Variants in PRDM15 observed in about 807,000 individuals in gnomAD.
PRDM15 encodes PR domain zinc finger protein 15.
In PRDM15, 64 loss-of-function variants were observed where a neutral mutation model predicts 128.6. The observed-to-expected ratio is 0.50, with a 90% CI of 0.41 to 0.61. The LOEUF (loss-of-function observed/expected upper bound fraction) is 0.61, where lower values mean the gene tolerates loss of function less well. PRDM15 is among the 20% of genes least tolerant of loss of function. The pLI is 0.00. For missense variants in PRDM15, 1,242 were observed against 1,569.1 expected, an observed-to-expected ratio of 0.79 and a Z score of 3.52; for synonymous variants, 615 against 621.8, an observed-to-expected ratio of 0.99 and a Z score of 0.16.
chr21:41,878,736 AC>A, intron 1 of PRDM15: 25 of 1,557,136 alleles, frequency 1.6e-5, no homozygotes, highest in Middle Eastern at 1.9e-4. Flanking sequence ...GGGTCCAGGG[AC>A]CCCCCCGTGC....
chr21:41,827,957 C>T (rs1234137440), intron 12 of PRDM15, among the ~76,000 whole-genome samples: 1 of 152,200 alleles, frequency 6.6e-6, no homozygotes, highest in East Asian at 1.9e-4. Context: ...TTGCGCACAG[C>T]AGGTCTGACA....
intron 23 of PRDM15, among the ~76,000 whole-genome samples, chr21:41,802,405 G>A (rs2061438949): frequency 6.6e-6 from 1 of 152,168 alleles, no homozygotes; most frequent in Admixed American, 6.5e-5. Flanking sequence ...CACTTGGGTA[G>A]GCCACCCGTG....
rs777893342 is a variant in PRDM15 at position 41,822,016 on chromosome 21, G to C, written c.1783C>G (p.His595Asp). ...TTGCCGATAAACTCTTCCCTCTGGT[G>C]GTCATCCATCAACGCGATGTCCTGG... ...HFKDIALMDD[H>D]QREEFIGKIG... Residue 595 changes from histidine to aspartate, a missense_variant, in exon 15 of 24, where the codon CAC becomes GAC. By Grantham distance (81) the His-to-Asp change is moderately conservative. Coordinates refer to ENST00000398548, the MANE Select transcript of PRDM15 (RefSeq NM_001040424.3). 3 of 1,614,144 alleles carry C rather than the reference G, an allele frequency of 1.9e-6. No homozygotes were observed.
At chr21:41,852,807 C>A (rs2042886768) in intron 5 of PRDM15, among the ~76,000 whole-genome samples, 1 of 152,182 alleles carries the variant, frequency 6.6e-6, no homozygotes, top group Non-Finnish European at 1.5e-5. Flanking sequence ...ATAGTGGCTC[C>A]CCAAAATTCA....
intron 4 of PRDM15, 32 bp downstream of exon 4, chr21:41,857,144 T>C (rs772990835): frequency 6.3e-6 from 10 of 1,593,712 alleles, no homozygotes; most frequent in Middle Eastern, 1.7e-4. Context: ...AAACACCCAG[T>C]TCCTGAGCTC....
At chr21:41,816,342 G>C (rs2062051669) in intron 18 of PRDM15, among the ~76,000 whole-genome samples, 1 of 152,192 alleles carries the variant, frequency 6.6e-6, no homozygotes, top group Non-Finnish European at 1.5e-5. Flanking sequence ...CTGGCATAGG[G>C]GCTGAGTCAG....
intron 6 of PRDM15, 76 bp from the exon 7 acceptor site, chr21:41,839,929 C>G: frequency 8.2e-7 from 1 of 1,223,362 alleles, no homozygotes. Context: ...CCTCTGGTTC[C>G]TATGTGTGTG....
At chr21:41,809,924 C>T (rs568205439) in intron 21 of PRDM15, among the ~76,000 whole-genome samples, 6 of 152,254 alleles carry the variant, frequency 3.9e-5, no homozygotes, top group East Asian at 1.9e-4. Flanking sequence ...TCAGGGAGGA[C>T]GTAATTTATA....
rs879128810 is a variant in PRDM15 at position 41,810,917 on chromosome 21, G to A, written c.2393-81C>T. ...TCAGGGCATGTCTTCTCCCTGACAC[G>A]TTCCAGGCACTGTAGGGCCTTCAGG... On this transcript the variant is annotated intron_variant, in intron 19 of 23. Coordinates refer to ENST00000398548, the MANE Select transcript of PRDM15 (RefSeq NM_001040424.3). This position sits in a 1 kb window ranked among gnomAD's most constrained non-coding sequence, Gnocchi z 6.4. 4.4e-5 allele frequency: 56 copies of A among 1,278,176 alleles called. No homozygotes were observed. Among genetic ancestry groups the A allele is most frequent in the Non-Finnish European group, 5.3e-5 (47 of 878,724 alleles). 79.2% of individuals were successfully genotyped at this position (1,278,176 alleles called of 1,614,324 possible). A position where few individuals can be genotyped will look rare whatever the true frequency, so the allele number is the denominator to read the frequency against.
rs763419977 is a variant in PRDM15 at position 41,822,028 on chromosome 21, A to G, written c.1771T>C (p.Leu591=). ...HIHVHFKDIA[L]MDDHQREEFI... ...TCTTCCCTCTGGTGGTCATCCATCA[A>G]CGCGATGTCCTGGAAAACAGCCACC... Residue 591 remains leucine, a synonymous_variant, in exon 15 of 24, where the codon TTG becomes CTG. Coordinates refer to ENST00000398548, the MANE Select transcript of PRDM15 (RefSeq NM_001040424.3). 7 of 1,613,950 alleles carry G rather than the reference A, an allele frequency of 4.3e-6. No homozygotes were observed. Among genetic ancestry groups the G allele is most frequent in the African/African-American group, 4.0e-5 (3 of 74,950 alleles).
intron 18 of PRDM15, 97 bp downstream of exon 18, chr21:41,819,485 T>TCC: frequency 6.2e-6 from 4 of 648,906 alleles, no homozygotes; most frequent in South Asian, 1.7e-5. Context: ...ACACCCACCT[T>TCC]CCCCACACTC....
chr21:41,835,636 C>A, intron 10 of PRDM15, 112 bp from the exon 11 acceptor site: 1 of 726,024 alleles, frequency 1.4e-6, no homozygotes, highest in Non-Finnish European at 2.4e-6. Context: ...ATGACTCTGA[C>A]CTCCACCACC....
chr21:41,865,222 T>TCCCCACTCCCCACTCCC (rs2063966118), intron 1 of PRDM15, among the ~76,000 whole-genome samples: 3 of 151,730 alleles, frequency 2.0e-5, no homozygotes, highest in South Asian at 2.1e-4. Flanking sequence ...CACTCCTCAG[T>TCCCCACTCCCCACTCCC]CTTAGCTTAA....
chr21:41,859,424 C>T lies in PRDM15; in HGVS notation c.131+168G>A, dbSNP rs988166091. 1.3e-5 allele frequency among the ~76,000 whole-genome samples: 2 copies of T among 152,188 alleles called. No individual in the cohort carries two copies. Among genetic ancestry groups the T allele is most frequent in the African/African-American group, 2.4e-5 (1 of 41,430 alleles). On this transcript the variant is annotated intron_variant, in intron 3 of 23. Transcript: ENST00000398548. The surrounding 1 kb of genome is among the most constrained non-coding windows in gnomAD (Gnocchi z 5.3). The stretch of plus-strand genomic sequence containing the variant: ...TTGAAGCACGTGTTTTGGTGTGTCC[C>T]GGCAGCAACGCTGCTCAGTTCACAG...
At chr21:41,834,933 T>G (rs1169008410) in intron 11 of PRDM15, among the ~76,000 whole-genome samples, 1 of 152,150 alleles carries the variant, frequency 6.6e-6, no homozygotes, top group Non-Finnish European at 1.5e-5. Flanking sequence ...TGGAAGCTGG[T>G]GCACACAAGC....
At chr21:41,867,568 G>A (rs1484899150) in intron 1 of PRDM15, among the ~76,000 whole-genome samples, 1 of 152,162 alleles carries the variant, frequency 6.6e-6, no homozygotes, top group Non-Finnish European at 1.5e-5. Flanking sequence ...CGCAGCCTCC[G>A]CATAGCTGGG....
intron 11 of PRDM15, chr21:41,834,664 T>G (rs756840861): frequency 8.7e-6 from 8 of 914,664 alleles, no homozygotes; most frequent in Non-Finnish European, 1.4e-5. Flanking sequence ...CCACTGGGAA[T>G]GGGGAAGGTG....
At chr21:41,817,253 C>T (rs1208015601) in intron 18 of PRDM15, among the ~76,000 whole-genome samples, 1 of 152,206 alleles carries the variant, frequency 6.6e-6, no homozygotes, top group African/African-American at 2.4e-5. Context: ...TTTCTAATCC[C>T]GAACAGGGGA....
chr21:41,802,361 G>A (rs951128651), intron 23 of PRDM15, among the ~76,000 whole-genome samples: 3 of 152,196 alleles, frequency 2.0e-5, no homozygotes, highest in African/African-American at 7.2e-5. Flanking sequence ...CGGCTAGTCA[G>A]CAAATGCACA....
Sources: allele counts gnomAD v4.1 joint callset (sites outside exome capture counted in the v4.1 genomes callset), GRCh38; gene constraint gnomAD v4.1.1; non-coding constraint Gnocchi (gnomAD v3.1); transcripts MANE v1.5; gene names NCBI Gene and HGNC (gene_info 2026-07-23, HGNC 2026-07-21).